Variants in MTSS1 observed in about 807,000 individuals in gnomAD.
MTSS1 encodes the protein MTSS I-BAR domain containing 1.
Under a neutral mutation model 79.0 loss-of-function variants are expected in MTSS1, and 18 were observed. The observed-to-expected ratio is 0.23, with a 90% CI of 0.16 to 0.34. The LOEUF is 0.34. Ranked by LOEUF, MTSS1 falls within the 10% of genes least tolerant of loss-of-function variation. The probability of loss-of-function intolerance (pLI) is 1.00; values close to 1 mark genes in which losing one functional copy is unlikely to be tolerated. For synonymous variants in MTSS1, 341 were observed against 368.6 expected, an observed-to-expected ratio of 0.93 and a Z score of 0.86; for missense variants, 815 against 986.2, an observed-to-expected ratio of 0.83 and a Z score of 2.33.
At chr8:124,647,354 T>G (rs1314237173) in intron 3 of MTSS1, among the ~76,000 whole-genome samples, 1 of 152,228 alleles carries the variant, frequency 6.6e-6, no homozygotes, top group Non-Finnish European at 1.5e-5. Flanking sequence ...ATTAAGGGTA[T>G]AGCTGAGAAA....
chr8:124,598,422 T>C (rs1833142232), intron 3 of MTSS1, among the ~76,000 whole-genome samples: 1 of 152,124 alleles, frequency 6.6e-6, no homozygotes, highest in Non-Finnish European at 1.5e-5. Context: ...ACTAGAAATG[T>C]CCCCAGGGGG....
At chr8:124,667,190 A>T (rs1398387649) in intron 3 of MTSS1, among the ~76,000 whole-genome samples, 1 of 152,180 alleles carries the variant, frequency 6.6e-6, no homozygotes, top group Non-Finnish European at 1.5e-5. Flanking sequence ...CGCTCTCCCC[A>T]GAGGATGCAG....
intron 3 of MTSS1, among the ~76,000 whole-genome samples, chr8:124,682,532 C>T (rs1826288660): frequency 6.6e-6 from 1 of 152,192 alleles, no homozygotes; most frequent in Non-Finnish European, 1.5e-5. Flanking sequence ...CCTCACGGAA[C>T]AGGCAGGCTC....
At chr8:124,564,613 G>GA (rs1250546303) in intron 9 of MTSS1, 1 of 150,404 alleles carries the variant, frequency 6.6e-6, no homozygotes, top group South Asian at 2.1e-4. Context: ...TTATAAGGAA[G>GA]AAAAAAACAG....
intron 3 of MTSS1, among the ~76,000 whole-genome samples, chr8:124,599,542 A>C (rs113628203): frequency 6.6e-6 from 1 of 152,102 alleles, no homozygotes; most frequent in Non-Finnish European, 1.5e-5. Context: ...TGAAAGATCT[A>C]AGTAAAGTGG....
chr8:124,696,716 T>C (rs538477508), intron 3 of MTSS1, among the ~76,000 whole-genome samples: 2 of 151,986 alleles, frequency 1.3e-5, no homozygotes, highest in South Asian at 4.2e-4. Flanking sequence ...CTGGGCGTGA[T>C]GGTGGGCGCC....
intron 3 of MTSS1, among the ~76,000 whole-genome samples, chr8:124,616,371 TAA>T (rs68110053): frequency 2.2e-3 from 264 of 119,608 alleles, no homozygotes; most frequent in East Asian, 5.0e-3. Flanking sequence ...TTTCAGGCAG[TAA>T]AAAAAAAAAA....
chr8:124,660,470 A>ACC (rs1260851467), intron 3 of MTSS1, among the ~76,000 whole-genome samples: 2 of 149,330 alleles, frequency 1.3e-5, no homozygotes, highest in Non-Finnish European at 3.0e-5. Context: ...ACACACACAC[A>ACC]CACCCTCAAG....
chr8:124,655,199 G>A (rs1820721878), intron 3 of MTSS1, among the ~76,000 whole-genome samples: 1 of 152,220 alleles, frequency 6.6e-6, no homozygotes, highest in South Asian at 2.1e-4. Flanking sequence ...GACCTGCTGG[G>A]CAGGCCTGCC....
intron 3 of MTSS1, among the ~76,000 whole-genome samples, chr8:124,646,259 C>T (rs1818981211): frequency 6.6e-6 from 1 of 152,174 alleles, no homozygotes; most frequent in Non-Finnish European, 1.5e-5. Flanking sequence ...ATGGCTGTGC[C>T]ATCTCATCTT....
intron 3 of MTSS1, among the ~76,000 whole-genome samples, chr8:124,596,670 G>A (rs193115936): frequency 1.3e-5 from 2 of 152,322 alleles, no homozygotes; most frequent in African/African-American, 4.8e-5. Flanking sequence ...CCGTAGTTCT[G>A]GAGGCTAAAA....
chr8:124,656,660 C>T (rs1820993631), intron 3 of MTSS1, among the ~76,000 whole-genome samples: 1 of 151,350 alleles, frequency 6.6e-6, no homozygotes, highest in Admixed American at 6.6e-5. Context: ...TGCCTGCAGT[C>T]CCAACTACTC....
intron 3 of MTSS1, among the ~76,000 whole-genome samples, chr8:124,695,510 C>A (rs1828661886): frequency 6.6e-6 from 1 of 152,172 alleles, no homozygotes; most frequent in Non-Finnish European, 1.5e-5. Context: ...TACAGATTAT[C>A]ATTTCCTTGG....
At chr8:124,567,394 G>A (rs551730349) in intron 7 of MTSS1, among the ~76,000 whole-genome samples, 1 of 152,360 alleles carries the variant, frequency 6.6e-6, no homozygotes, top group Non-Finnish European at 1.5e-5. Flanking sequence ...AGTGACCTGT[G>A]CACAGGGGAC....
chr8:124,552,906 GT>G lies in MTSS1; in HGVS notation c.*85del. 1 of 1,378,708 alleles carries G rather than the reference GT, an allele frequency of 7.3e-7. No individual in the cohort carries two copies. Among genetic ancestry groups the G allele is most frequent in the South Asian group, 1.4e-5 (1 of 71,522 alleles). The allele number at this position is 1,378,708 out of a possible 1,614,324, so 85.4% of individuals were successfully genotyped here. A position where few individuals can be genotyped will look rare whatever the true frequency, so the allele number is the denominator to read the frequency against. On this transcript the variant is annotated 3_prime_UTR_variant, in exon 14 of 14. Coordinates refer to ENST00000518547, the MANE Select transcript of MTSS1 (RefSeq NM_014751.6). ...TTCCGAGTTGCCTACAAAATCTTTTGTTTTATTATAGAGTGGAATGGATCAA... is the reference window on the plus strand; with the variant it reads ...TTCCGAGTTGCCTACAAAATCTTTTGTTTATTATAGAGTGGAATGGATCAA...
chr8:124,581,222 G>C (rs941989491), intron 6 of MTSS1, among the ~76,000 whole-genome samples: 2 of 151,262 alleles, frequency 1.3e-5, no homozygotes, highest in Non-Finnish European at 2.9e-5. Flanking sequence ...GGGAGGCTGA[G>C]GCGGGAAGAT....
At chr8:124,589,732 A>T (rs201955835) in intron 4 of MTSS1, 21 bp from the exon 5 acceptor site, 1 of 1,506,236 alleles carries the variant, frequency 6.6e-7, no homozygotes, top group South Asian at 1.1e-5. Flanking sequence ...GCGGGGGGGA[A>T]AAAGGGAGAA....
intron 3 of MTSS1, among the ~76,000 whole-genome samples, chr8:124,606,563 TA>T (rs1834922501): frequency 6.6e-6 from 1 of 152,142 alleles, no homozygotes; most frequent in Admixed American, 6.5e-5. Context: ...GCTGAGTCGA[TA>T]GCTAGAACTT....
intron 1 of MTSS1, among the ~76,000 whole-genome samples, chr8:124,716,743 G>A (rs965542829): frequency 3.9e-5 from 6 of 152,112 alleles, no homozygotes; most frequent in African/African-American, 1.4e-4. Flanking sequence ...GTCCCTTTGC[G>A]CCCTTGGAAG....
Sources: gnomAD v4.1 joint callset for allele counts (sites outside exome capture counted in the v4.1 genomes callset) on GRCh38, gnomAD v4.1.1 for gene constraint, MANE v1.5 for transcripts, NCBI Gene and HGNC (gene_info 2026-07-23, HGNC 2026-07-21) for gene names.